HTT: variants seen among roughly 807,000 people sequenced by gnomAD.
The protein encoded by HTT is huntingtin.
Under a neutral mutation model 362.3 loss-of-function variants are expected in HTT, and 104 were observed. That is an observed-to-expected ratio of 0.29 (90% CI 0.24 to 0.34). The LOEUF (loss-of-function observed/expected upper bound fraction) is 0.34, where lower values mean the gene tolerates loss of function less well. Ranked by LOEUF, HTT falls within the 10% of genes least tolerant of loss-of-function variation. The pLI is 1.00. For missense variants in HTT, 3,301 were observed against 3,928.6 expected (o/e 0.84, Z 4.27); for synonymous variants, 1,577 against 1,548.7 (o/e 1.02, Z -0.43).
rs188087660 is a variant in HTT at position 3,115,982 on chromosome 4, G to A, written c.890-103G>A. On this transcript the variant is annotated intron_variant, in intron 7 of 66. Coordinates refer to ENST00000355072, the MANE Select transcript of HTT (RefSeq NM_001388492.1). The stretch of plus-strand genomic sequence containing the variant: ...GGCGTACTCGTTCATGATCATGTTT[G>A]TGCCATCTTGATCTCTCAGGATCTC... 13 of 1,046,562 alleles carry A rather than the reference G, an allele frequency of 1.2e-5. No individual in the cohort carries two copies. The African/African-American group carries it at 2.0e-4, about 16-fold the overall frequency. 64.8% of individuals were successfully genotyped at this position (1,046,562 alleles called of 1,614,324 possible).
rs114863381 is a variant in HTT at position 3,229,777 on chromosome 4, T to C, written c.8110-110T>C. The C allele has an allele frequency of 1.1e-3, 1,301 of 1,168,842 alleles. 12 individuals are homozygous for C. The African/African-American group carries it at 0.018, about 16-fold the overall frequency. 72.4% of individuals were successfully genotyped at this position (1,168,842 alleles called of 1,614,324 possible). A position where few individuals can be genotyped will look rare whatever the true frequency, so the allele number is the denominator to read the frequency against. On this transcript the variant is annotated intron_variant, in intron 59 of 66. Transcript: ENST00000355072. ...CGCACACATGCGTCCCGCACAGTAATGTCTCTTGGGTGTAAGAACACGACT... is the reference window on the plus strand; with the variant it reads ...CGCACACATGCGTCCCGCACAGTAACGTCTCTTGGGTGTAAGAACACGACT...
chr4:3,113,651 A>G (rs1431062288), intron 6 of HTT, among the ~76,000 whole-genome samples: 1 of 152,126 alleles, frequency 6.6e-6, no homozygotes, highest in Non-Finnish European at 1.5e-5. Context: ...TTAAGATGTT[A>G]GTATCTTTTC....
At chr4:3,116,916 G>A (rs1211945379) in intron 8 of HTT, among the ~76,000 whole-genome samples, 1 of 152,184 alleles carries the variant, frequency 6.6e-6, no homozygotes, top group African/African-American at 2.4e-5. Context: ...AAAATGTTAT[G>A]TCAGGGTTTT....
chr4:3,221,213 T>G (rs1242158600), intron 53 of HTT, among the ~76,000 whole-genome samples: 1 of 152,176 alleles, frequency 6.6e-6, no homozygotes, highest in Non-Finnish European at 1.5e-5. Context: ...CCCAGAAGGT[T>G]GTGGCAGGAG....
At chr4:3,086,176 A>G (rs1215116979) in intron 1 of HTT, among the ~76,000 whole-genome samples, 1 of 152,248 alleles carries the variant, frequency 6.6e-6, no homozygotes, top group Admixed American at 6.5e-5. Flanking sequence ...GTTTCTAATC[A>G]AACTATACCA....
At chr4:3,176,278 C>T (rs199795635) in intron 33 of HTT, among the ~76,000 whole-genome samples, 8 of 152,158 alleles carry the variant, frequency 5.3e-5, no homozygotes, top group Non-Finnish European at 1.2e-4. Context: ...CTGCCCGCCT[C>T]GGCCTCCCAA....
At position 3,081,704 on chromosome 4, in the gene HTT, T is replaced by C. The variant is rs190103861; in HGVS notation, c.264-5235T>C. 1.8e-3 allele frequency among the ~76,000 whole-genome samples: 273 copies of C among 151,842 alleles called. 1 individual carries two copies. The highest frequency in any genetic ancestry group is 6.2e-3 in the African/African-American group (257 of 41,432). On this transcript the variant is annotated intron_variant, in intron 1 of 66. Transcript: ENST00000355072. ...TCCCTAGTAGCTGGGATTACAGGCA[T>C]GCGCCACCACACCCAGCTAATTTTG...
In HTT at chr4:3,204,143, TA is replaced by T; in HGVS notation, c.5714del (p.Tyr1905LeufsTer12). Reference protein sequence around the residue: ...RRGALILFCDYVCQNLHDSEH... With the variant: ...RRGALILFCDXVCQNLHDSEH... ...AGGGGCTCTCATTCTCTTCTGTGATTATGTCGTAAGTTTGAAATGCCTGTAA... is the reference window on the plus strand; with the variant it reads ...AGGGGCTCTCATTCTCTTCTGTGATTTGTCGTAAGTTTGAAATGCCTGTAA... On this transcript the variant is annotated frameshift_variant, in exon 42 of 67. Coordinates refer to ENST00000355072, the MANE Select transcript of HTT (RefSeq NM_001388492.1). LOFTEE classifies it high-confidence loss of function. 1 of 1,614,204 alleles carries T rather than the reference TA, an allele frequency of 6.2e-7. No homozygotes were observed. Among genetic ancestry groups the T allele is most frequent in the Non-Finnish European group, 8.5e-7 (1 of 1,180,020 alleles).
intron 41 of HTT, among the ~76,000 whole-genome samples, chr4:3,202,823 G>A (rs906445742): frequency 6.6e-6 from 1 of 152,096 alleles, no homozygotes; most frequent in African/African-American, 2.4e-5. Context: ...ACTAGCCTGG[G>A]CTGCCTAGCA....
At chr4:3,224,797 A>T (rs140614976) in intron 56 of HTT, among the ~76,000 whole-genome samples, 1 of 152,360 alleles carries the variant, frequency 6.6e-6, no homozygotes, top group African/African-American at 2.4e-5. Context: ...GCAATGTGTT[A>T]TACGCAGTGT....
At chr4:3,235,466 A>G in intron 62 of HTT, 68 bp downstream of exon 62, 3 of 1,506,082 alleles carry the variant, frequency 2.0e-6, no homozygotes, top group Middle Eastern at 1.7e-4. Context: ...TCCTTGCAGG[A>G]TCATACCAGT....
At chr4:3,173,261 C>G (rs989601912) in intron 31 of HTT, 130 bp downstream of exon 31, 1 of 710,934 alleles carries the variant, frequency 1.4e-6, no homozygotes, top group African/African-American at 1.8e-5. Context: ...TCAGAGAACT[C>G]TAGGAGATAT....
intron 31 of HTT, among the ~76,000 whole-genome samples, 159 bp from the exon 32 acceptor site, chr4:3,174,562 G>A (rs565072897): frequency 6.6e-6 from 1 of 152,352 alleles, no homozygotes; most frequent in South Asian, 2.1e-4. Context: ...TGAAGAGGGC[G>A]ATGCTGCCAC....
intron 37 of HTT, 112 bp downstream of exon 37, chr4:3,182,582 T>C (rs1453390218): frequency 1.4e-6 from 1 of 709,538 alleles, no homozygotes; most frequent in African/African-American, 1.8e-5. Flanking sequence ...TGTGCCTTGA[T>C]AGCAGTTCTC....
intron 28 of HTT, among the ~76,000 whole-genome samples, chr4:3,159,241 C>CT (rs1278754219): frequency 6.6e-6 from 1 of 152,234 alleles, no homozygotes; most frequent in Non-Finnish European, 1.5e-5. Flanking sequence ...TGCAGCTCTT[C>CT]TGAAGACCTG....
At chr4:3,196,778 A>C (rs1719276998) in intron 40 of HTT, among the ~76,000 whole-genome samples, 1 of 151,768 alleles carries the variant, frequency 6.6e-6, no homozygotes, top group Non-Finnish European at 1.5e-5. Context: ...CACCGTAGCG[A>C]AACATGTATG....
intron 29 of HTT, among the ~76,000 whole-genome samples, chr4:3,170,994 C>T (rs1392215377): frequency 6.6e-6 from 1 of 152,198 alleles, no homozygotes; most frequent in African/African-American, 2.4e-5. Flanking sequence ...TGCTTTCTCA[C>T]CTTTTCCAGG....
At chr4:3,147,165 T>G (rs1178886722) in intron 25 of HTT, among the ~76,000 whole-genome samples, 2 of 152,240 alleles carry the variant, frequency 1.3e-5, no homozygotes, top group Non-Finnish European at 2.9e-5. Flanking sequence ...CTTCCCAATA[T>G]AGCCCCTCAG....
At chr4:3,140,437 A>C in intron 21 of HTT, 73 bp from the exon 22 acceptor site, 1 of 1,353,838 alleles carries the variant, frequency 7.4e-7, no homozygotes, top group Non-Finnish European at 1.0e-6. Context: ...AGCCATCTGC[A>C]GGGAGGAGGG....
Sources: allele counts gnomAD v4.1 joint callset (sites outside exome capture counted in the v4.1 genomes callset), GRCh38; gene constraint gnomAD v4.1.1; transcripts MANE v1.5; gene names NCBI Gene and HGNC (gene_info 2026-07-23, HGNC 2026-07-21).